Variants in EML5 observed in about 807,000 individuals in gnomAD.
EML5 encodes EMAP like 5.
In EML5, 120 loss-of-function variants were observed where a neutral mutation model predicts 250.0. That is an observed-to-expected ratio of 0.48 (90% confidence interval 0.41 to 0.56). EML5 has a LOEUF of 0.56. EML5 is among the 20% of genes least tolerant of loss of function. The pLI is 0.00. For missense variants in EML5, 2,006 were observed against 2,437.6 expected (o/e 0.82, Z 3.73); for synonymous variants, 771 against 806.5 (o/e 0.96, Z 0.75).
chr14:88,614,637 A>G lies in EML5; in HGVS notation c.*1181T>C, dbSNP rs1213552795. 6.6e-6 allele frequency: 1 copy of G among 152,242 alleles called. No homozygotes were observed. The highest frequency in any genetic ancestry group is 1.9e-4 in the East Asian group (1 of 5,202). The allele number at this position is 152,242 out of a possible 1,614,324, so 9.4% of individuals were successfully genotyped here. A position where few individuals can be genotyped will look rare whatever the true frequency, so the allele number is the denominator to read the frequency against. On this transcript the variant is annotated 3_prime_UTR_variant, in exon 44 of 44. Transcript: ENST00000554922. ...AATATATTTTTAAATAGCAGTCTAC[A>G]TAATTTTCAATCTTCAGGAAACTAC...
At chr14:88,632,364 G>A (rs976821691) in intron 33 of EML5, among the ~76,000 whole-genome samples, 1 of 152,164 alleles carries the variant, frequency 6.6e-6, no homozygotes, top group African/African-American at 2.4e-5. Flanking sequence ...AATATAGTGA[G>A]AGTGGTTTTC....
intron 17 of EML5, among the ~76,000 whole-genome samples, chr14:88,692,445 T>C (rs369270571): frequency 1.7e-4 from 26 of 152,326 alleles, no homozygotes; most frequent in African/African-American, 6.0e-4. Context: ...CATTATTCCC[T>C]AAACAACAGT....
At chr14:88,745,565 G>A (rs2093993549) in intron 3 of EML5, among the ~76,000 whole-genome samples, 1 of 152,040 alleles carries the variant, frequency 6.6e-6, no homozygotes, top group Non-Finnish European at 1.5e-5. Context: ...ATCCACACAA[G>A]CAACATTATT....
chr14:88,633,347 T>G (rs2090542976), intron 33 of EML5, among the ~76,000 whole-genome samples: 1 of 152,094 alleles, frequency 6.6e-6, no homozygotes, highest in African/African-American at 2.4e-5. Flanking sequence ...CTTGAACTCC[T>G]GGCCTCGGAA....
At chr14:88,764,210 T>A (rs1196105131) in intron 1 of EML5, among the ~76,000 whole-genome samples, 2 of 152,184 alleles carry the variant, frequency 1.3e-5, no homozygotes, top group Non-Finnish European at 1.5e-5. Context: ...TGTAGTTTCC[T>A]TTTCTTCAAA....
At chr14:88,652,078 T>G (rs2091654538) in intron 27 of EML5, among the ~76,000 whole-genome samples, 1 of 152,208 alleles carries the variant, frequency 6.6e-6, no homozygotes, top group Admixed American at 6.5e-5. Context: ...CTTTGCACTA[T>G]ACGATGCTGC....
intron 1 of EML5, among the ~76,000 whole-genome samples, chr14:88,784,386 G>T (rs749585813): frequency 6.8e-6 from 1 of 146,310 alleles, no homozygotes; most frequent in East Asian, 2.0e-4. Flanking sequence ...AAACAAGATT[G>T]ACAAACCTTT....
chr14:88,770,579 G>C (rs1346192831), intron 1 of EML5, among the ~76,000 whole-genome samples: 2 of 152,114 alleles, frequency 1.3e-5, no homozygotes, highest in African/African-American at 4.8e-5. Context: ...ATATTGGATA[G>C]GAGCTGAATG....
In EML5 at chr14:88,738,908, T is replaced by C; in HGVS notation, c.818A>G (p.Asp273Gly). Reference protein sequence around the residue: ...DLTFKPITVIDLRETDQGYKG... With the variant: ...DLTFKPITVIGLRETDQGYKG... ...GTATCCCTGGTCTGTTTCCCTGAGATCAATCACAGTAATTGGTTTAAAAGT... is the reference window on the plus strand; with the variant it reads ...GTATCCCTGGTCTGTTTCCCTGAGACCAATCACAGTAATTGGTTTAAAAGT... Residue 273 changes from aspartate to glycine, a missense_variant, in exon 6 of 44, where the codon GAT becomes GGT. Transcript: ENST00000554922. 1.3e-6 allele frequency: 2 copies of C among 1,582,550 alleles called. No homozygotes were observed. The highest frequency in any genetic ancestry group is 1.7e-6 in the Non-Finnish European group (2 of 1,163,192).
At chr14:88,768,625 T>C (rs1384571660) in intron 1 of EML5, among the ~76,000 whole-genome samples, 1 of 152,164 alleles carries the variant, frequency 6.6e-6, no homozygotes, top group African/African-American at 2.4e-5. Context: ...TTGGTCAGGC[T>C]GGTCTCGAAC....
At chr14:88,733,104 G>A (rs2093786219) in intron 7 of EML5, among the ~76,000 whole-genome samples, 1 of 152,160 alleles carries the variant, frequency 6.6e-6, no homozygotes, top group Non-Finnish European at 1.5e-5. Context: ...ATACACTTCT[G>A]TGCTATCAAA....
chr14:88,633,789 G>A (rs1344880225), intron 33 of EML5, among the ~76,000 whole-genome samples: 1 of 151,570 alleles, frequency 6.6e-6, no homozygotes, highest in African/African-American at 2.4e-5. Context: ...GCTTAAAACA[G>A]TGCTGAGAAC....
chr14:88,714,817 G>A, intron 9 of EML5, 122 bp downstream of exon 9: 9 of 935,780 alleles, frequency 9.6e-6, no homozygotes, highest in South Asian at 1.8e-5. Flanking sequence ...TACAATGCCT[G>A]AAATATTAGC....
intron 21 of EML5, among the ~76,000 whole-genome samples, chr14:88,677,747 T>C (rs769907810): frequency 2.6e-5 from 4 of 152,226 alleles, no homozygotes; most frequent in Admixed American, 2.6e-4. Context: ...CACATTGAGA[T>C]ACCATCTCAC....
intron 21 of EML5, among the ~76,000 whole-genome samples, chr14:88,671,072 C>A (rs1006239697): frequency 6.6e-6 from 1 of 152,096 alleles, no homozygotes; most frequent in Non-Finnish European, 1.5e-5. Flanking sequence ...CAGTAAGATA[C>A]TCCATGAGAA....
chr14:88,644,738 T>A, intron 29 of EML5: 1 of 378,414 alleles, frequency 2.6e-6, no homozygotes, highest in South Asian at 3.7e-5. Context: ...TGAGACGGAG[T>A]CTCACTCTGT....
intron 1 of EML5, among the ~76,000 whole-genome samples, chr14:88,768,999 A>C (rs928270221): frequency 1.3e-5 from 2 of 152,240 alleles, no homozygotes; most frequent in Admixed American, 1.3e-4. Context: ...CATTGGGAGC[A>C]ATATCATCTC....
At chr14:88,653,590 G>C (rs1184567830) in intron 27 of EML5, among the ~76,000 whole-genome samples, 1 of 152,134 alleles carries the variant, frequency 6.6e-6, no homozygotes, top group African/African-American at 2.4e-5. Context: ...TCATGTGATG[G>C]ATTACATTTA....
chr14:88,744,147 T>C, intron 3 of EML5, 56 bp from the exon 4 acceptor site: 1 of 1,349,676 alleles, frequency 7.4e-7, no homozygotes, highest in Non-Finnish European at 1.0e-6. Context: ...CATTTAAAAA[T>C]CCTGTCCAAA....
Sources: gnomAD v4.1 joint callset for allele counts (sites outside exome capture counted in the v4.1 genomes callset) on GRCh38, gnomAD v4.1.1 for gene constraint, MANE v1.5 for transcripts, NCBI Gene and HGNC (gene_info 2026-07-23, HGNC 2026-07-21) for gene names.